PTPRH: variants seen among roughly 807,000 people sequenced by gnomAD.
PTPRH encodes protein tyrosine phosphatase receptor type H.
A neutral mutation model predicts 130.2 loss-of-function variants in PTPRH; 113 were observed. That is an observed-to-expected ratio of 0.87 (90% CI 0.75 to 1.01). The LOEUF is 1.01. PTPRH is among the 50% of genes least tolerant of loss of function. The pLI is 0.00. For missense variants in PTPRH, 1,430 were observed against 1,425.0 expected (o/e 1.00, Z -0.06); for synonymous variants, 556 against 577.9 (o/e 0.96, Z 0.54).
At position 55,185,535 on chromosome 19, in the gene PTPRH, G is replaced by A. The variant is rs767924836; in HGVS notation, c.3029C>T (p.Thr1010Ile). 6.2e-7 allele frequency: 1 copy of A among 1,614,136 alleles called. No individual in the cohort carries two copies. Among genetic ancestry groups the A allele is most frequent in the African/African-American group, 1.3e-5 (1 of 75,030 alleles). Residue 1010 changes from threonine (T) to isoleucine (I), a missense_variant, in exon 18 of 20, where the codon ACC becomes ATC. Coordinates refer to ENST00000376350, the MANE Select transcript of PTPRH (RefSeq NM_002842.5). ...WRMLRQWLDQ[T>I]MEGGPPIVHC... ...CACAATGGGTGGGCCTCCCTCCATGGTCTGATCCAGCCACTGCCGAAGCAT... is the reference window on the plus strand; with the variant it reads ...CACAATGGGTGGGCCTCCCTCCATGATCTGATCCAGCCACTGCCGAAGCAT...
At chr19:55,199,299 C>T (rs1341286413) in intron 7 of PTPRH, among the ~76,000 whole-genome samples, 1 of 148,234 alleles carries the variant, frequency 6.7e-6, no homozygotes, top group African/African-American at 2.5e-5. Context: ...AGAGCAGGAC[C>T]GTCTCAAAAG....
intron 10 of PTPRH, among the ~76,000 whole-genome samples, chr19:55,195,607 C>A (rs945383338): frequency 4.6e-5 from 7 of 152,130 alleles, no homozygotes; most frequent in African/African-American, 1.7e-4. Flanking sequence ...GGGTCTCGTT[C>A]CTTCACCCAG....
intron 10 of PTPRH, chr19:55,193,918 G>A (rs145707541): frequency 0.012 from 3,283 of 276,392 alleles, 85 homozygotes; most frequent in African/African-American, 0.059. Flanking sequence ...GTGCAATCCC[G>A]GCTCACCGCA....
chr19:55,187,344 C>CA (rs58124409), intron 14 of PTPRH, among the ~76,000 whole-genome samples, 169 bp downstream of exon 14: 18,429 of 44,080 alleles, frequency 0.42, 3,040 homozygotes, highest in African/African-American at 0.56. Flanking sequence ...GACTCCGTCT[C>CA]AAAAAAAAAA....
At chr19:55,199,003 C>A (rs1015077465) in intron 7 of PTPRH, 91 bp from the exon 8 acceptor site, 4 of 1,250,630 alleles carry the variant, frequency 3.2e-6, no homozygotes, top group Non-Finnish European at 3.1e-6. Context: ...TGCAGCCCAG[C>A]TCATCCAGAA....
rs1322483078 is a variant in PTPRH, at chr19:55,196,562, C to A, written c.2217G>T (p.Lys739Asn). The change falls in exon 10 of 20, where the codon AAG becomes AAT. Residue 739 changes from lysine (K) to asparagine (N), a missense_variant. Coordinates refer to ENST00000376350, the MANE Select transcript of PTPRH (RefSeq NM_002842.5). ...ATITTIWDGMKVVSHSVVCHT... is the reference protein window; with the variant it reads ...ATITTIWDGMNVVSHSVVCHT... ...GGCAGACCACAGAGTGAGACACGAC[C>A]TTCATTCCGTCCCAGATGGTCGTGA... The A allele has an allele frequency of 1.2e-6, 2 of 1,613,662 alleles. No individual in the cohort carries two copies. The highest frequency in any genetic ancestry group is 1.7e-6 in the Non-Finnish European group (2 of 1,179,978).
chr19:55,206,592 T>C (rs1485816160), intron 3 of PTPRH, 97 bp downstream of exon 3: 1 of 1,284,368 alleles, frequency 7.8e-7, no homozygotes, highest in South Asian at 1.9e-5. Context: ...TGTGTTTCTA[T>C]CCAACTAAAG....
intron 12 of PTPRH, among the ~76,000 whole-genome samples, chr19:55,188,582 T>G (rs1312576781): frequency 6.6e-6 from 1 of 152,212 alleles, no homozygotes; most frequent in Non-Finnish European, 1.5e-5. Context: ...ACACTTACAC[T>G]TCTCATGCAG....
intron 1 of PTPRH, 131 bp from the exon 2 acceptor site, chr19:55,207,330 T>C: frequency 1.0e-6 from 1 of 979,106 alleles, no homozygotes; most frequent in Non-Finnish European, 1.5e-6. Flanking sequence ...GGGCCGGTGT[T>C]AGGCTGGGCT....
At position 55,186,378 on chromosome 19, in the gene PTPRH, C is replaced by A. The variant is rs202052377; in HGVS notation, c.2644-19G>T. The A allele has an allele frequency of 6.2e-7, 1 of 1,609,706 alleles. No homozygotes were observed. The highest frequency in any genetic ancestry group is 8.5e-7 in the Non-Finnish European group (1 of 1,178,204). ...AGAGACCCTGGTTGAGGAAGGCAGG[C>A]GGGTCAGGGGGGCCTTTAGTTGATC... On this transcript the variant is annotated intron_variant, in intron 15 of 19. Coordinates refer to ENST00000376350, the MANE Select transcript of PTPRH (RefSeq NM_002842.5).
intron 17 of PTPRH, 76 bp downstream of exon 17, chr19:55,185,786 T>C (rs2086302851): frequency 1.2e-6 from 2 of 1,606,366 alleles, no homozygotes; most frequent in Non-Finnish European, 8.5e-7. Context: ...AAGGTTGGAG[T>C]TGGTGGAGGG....
rs754969693 is a variant in PTPRH at position 55,192,219 on chromosome 19, G to C, written c.2258-478C>G. 5.9e-5 allele frequency: 20 copies of C among 338,698 alleles called. 1 individual carries two copies. Among genetic ancestry groups the C allele is most frequent in the Non-Finnish European group, 1.0e-4 (18 of 172,962 alleles). The allele number at this position is 338,698 out of a possible 1,614,324, so 21.0% of individuals were successfully genotyped here. ...AGATCGAGACCATCCTGGTTAACAC[G>C]GTGAAACCCCATCTCCACTAAAAAT... On this transcript the variant is annotated intron_variant, in intron 10 of 19. Transcript: ENST00000376350.
At position 55,203,906 on chromosome 19, in the gene PTPRH, A is replaced by T. The variant is rs755270223; in HGVS notation, c.762T>A (p.Thr254=). ...TGACTCTGGTGTCTGTTGTGTTTCG[A>T]GTCTCTGTTCTGCCACCATCTCCAG... ...QCTGDGGRTE[T]RNTTDTRVTV... is the part of the protein sequence containing the mutation. Residue 254 remains threonine, a synonymous_variant, in exon 5 of 20, where the codon ACT becomes ACA. Transcript: ENST00000376350. The T allele has an allele frequency of 7.4e-6, 12 of 1,614,094 alleles. No homozygotes were observed. The South Asian group carries it at 1.2e-4, about 16-fold the overall frequency.
intron 14 of PTPRH, 22 bp downstream of exon 14, chr19:55,187,491 G>A (rs68070528): frequency 0.11 from 171,411 of 1,594,450 alleles, 10,656 homozygotes; most frequent in African/African-American, 0.22. Flanking sequence ...TGGGACAAAA[G>A]CAGCAGGAAC....
rs762965948 is a variant in PTPRH at position 55,197,331 on chromosome 19, G to T, written c.1776C>A (p.His592Gln). 3.1e-6 allele frequency: 5 copies of T among 1,614,134 alleles called. No homozygotes were observed. Among genetic ancestry groups the T allele is most frequent in the Middle Eastern group, 3.3e-4 (2 of 6,084 alleles). Residue 592 changes from histidine (H) to glutamine (Q), a missense_variant, in exon 9 of 20, where the codon CAC becomes CAA. By Grantham distance (24) the His-to-Gln change is conservative. Transcript: ENST00000376350. The stretch of plus-strand genomic sequence containing the variant: ...GGACCCAGTATACGTACAACTGAGA[G>T]TGGGGGTCTCCAGGGGCCTTCCACC... ...MLWWKAPGDP[H>Q]SQLYVYWVQW...
At chr19:55,182,463 C>T (rs999285852) in intron 18 of PTPRH, among the ~76,000 whole-genome samples, 1 of 152,142 alleles carries the variant, frequency 6.6e-6, no homozygotes, top group Non-Finnish European at 1.5e-5. Context: ...GTGGAGGTTG[C>T]AGTGAGCCAA....
intron 5 of PTPRH, among the ~76,000 whole-genome samples, chr19:55,203,095 A>G (rs8111639): frequency 0.65 from 98,050 of 151,142 alleles, 32,498 homozygotes; most frequent in African/African-American, 0.8. Context: ...TTGGGAGGCC[A>G]AGGCGGGTGG....
Position 55,191,774 on chromosome 19 carries a change from C to T in PTPRH, c.2258-33G>A, listed in dbSNP as rs763465448. 154 of 1,574,182 alleles carry T rather than the reference C, an allele frequency of 9.8e-5. No individual in the cohort carries two copies. The East Asian group carries it at 1.3e-3, about 14-fold the overall frequency. Reference sequence around the variant, plus strand: ...GAGGAGGCATCGGGAACCCTCAGAGCGCAGGTCTGAGCTGCTCATCTGTCT... The same window carrying T: ...GAGGAGGCATCGGGAACCCTCAGAGTGCAGGTCTGAGCTGCTCATCTGTCT... On this transcript the variant is annotated intron_variant, in intron 10 of 19. Coordinates refer to ENST00000376350, the MANE Select transcript of PTPRH (RefSeq NM_002842.5).
Position 55,209,271 on chromosome 19 carries a change from G to A in PTPRH, c.51+112C>T. 3.3e-6 allele frequency: 3 copies of A among 918,848 alleles called. No homozygotes were observed. The East Asian group carries it at 7.9e-5, about 24-fold the overall frequency. The allele number at this position is 918,848 out of a possible 1,614,324, so 56.9% of individuals were successfully genotyped here. ...AGCCTGAAGCCCTCTTCCTTCTCCA[G>A]GGGATCTTCAGCACCTACTTCCTCA... On this transcript the variant is annotated intron_variant, in intron 1 of 19. Transcript: ENST00000376350. The surrounding 1 kb of genome is among the most constrained non-coding windows in gnomAD (Gnocchi z 4.1).
Sources: allele counts gnomAD v4.1 joint callset (sites outside exome capture counted in the v4.1 genomes callset), GRCh38; gene constraint gnomAD v4.1.1; non-coding constraint Gnocchi (gnomAD v3.1); transcripts MANE v1.5; gene names NCBI Gene and HGNC (gene_info 2026-07-23, HGNC 2026-07-21).